The following FOCAD variants were observed in gnomAD, a reference collection of about 807,000 sequenced individuals.
FOCAD encodes the protein focadhesin, also known as KIAA1797.
FOCAD carries 198 observed loss-of-function variants against 225.6 expected under a neutral mutation model. The ratio of observed to expected loss-of-function variants is 0.88; its 90% confidence interval spans 0.78 to 0.99. The LOEUF (loss-of-function observed/expected upper bound fraction) is 0.99, where lower values mean the gene tolerates loss of function less well. FOCAD is among the 50% of genes least tolerant of loss of function. FOCAD has a pLI of 0.00. For missense variants in FOCAD, 2,713 were observed against 2,123.6 expected, an observed-to-expected ratio of 1.28 and a Z score of -5.46; for synonymous variants, 897 against 755.0, an observed-to-expected ratio of 1.19 and a Z score of -3.08.
rs1233469810 is a variant in FOCAD at position 20,862,666 on chromosome 9, T to G, written c.2009T>G (p.Leu670Arg). 6.2e-7 allele frequency: 1 copy of G among 1,613,402 alleles called. No individual in the cohort carries two copies. The highest frequency in any genetic ancestry group is 1.3e-5 in the African/African-American group (1 of 74,896). The change falls in exon 16 of 44, where the codon CTA (leucine) becomes CGA (arginine). Residue 670 changes from leucine to arginine, a missense_variant. Physicochemically the swap from Leu to Arg is moderately radical, Grantham distance 102. Transcript: ENST00000338382. The stretch of plus-strand genomic sequence containing the variant: ...CTCATTCTGAAGACACTGAGTGAAC[T>G]ATTTTCTCTAGTTCCTTCCTTAACG... ...RPLILKTLSE[L>R]FSLVPSLTVN...
chr9:20,825,636 T>C (rs7867326), intron 15 of FOCAD, among the ~76,000 whole-genome samples: 127,469 of 152,072 alleles, frequency 0.84, 53,524 homozygotes, highest in Admixed American at 0.89. Context: ...TTGGATTTTG[T>C]AGGGCTTTCC....
At chr9:20,742,877 G>C (rs752960922) in intron 5 of FOCAD, among the ~76,000 whole-genome samples, 2 of 152,156 alleles carry the variant, frequency 1.3e-5, no homozygotes, top group East Asian at 1.9e-4. Flanking sequence ...CTTTAGATAC[G>C]TGGCACATTA....
Position 20,839,134 on chromosome 9 carries a change from G to A in FOCAD, c.1920+16019G>A, listed in dbSNP as rs190505615. On this transcript the variant is annotated intron_variant, in intron 15 of 43. Coordinates refer to ENST00000338382, the MANE Select transcript of FOCAD (RefSeq NM_001375567.1). ...TTATGTTGTGTGCCTATATAGGGGT[G>A]TGTGTGTGTGTTTGTGAGTATGTGT... 2.0e-4 allele frequency among the ~76,000 whole-genome samples: 30 copies of A among 151,822 alleles called. No homozygotes were observed. The East Asian group carries it at 5.4e-3, about 28-fold the overall frequency.
intron 18 of FOCAD, among the ~76,000 whole-genome samples, chr9:20,871,457 C>G (rs13296917): frequency 6.6e-6 from 1 of 151,728 alleles, no homozygotes; most frequent in Admixed American, 6.6e-5. Context: ...ATTCTTTCAA[C>G]TGAGTTCTCT....
chr9:20,968,041 C>T (rs1023195777), intron 35 of FOCAD, among the ~76,000 whole-genome samples: 4 of 152,200 alleles, frequency 2.6e-5, no homozygotes, highest in Admixed American at 2.6e-4. Context: ...GGTGTTAATT[C>T]TTTAAGTGTC....
intron 20 of FOCAD, among the ~76,000 whole-genome samples, chr9:20,884,170 A>G (rs1830909826): frequency 6.6e-6 from 1 of 152,254 alleles, no homozygotes; most frequent in African/African-American, 2.4e-5. Context: ...AACAGTTCAC[A>G]AAGTCAAGAC....
intron 36 of FOCAD, among the ~76,000 whole-genome samples, chr9:20,976,762 C>G (rs1840268893): frequency 6.6e-6 from 1 of 152,150 alleles, no homozygotes; most frequent in Admixed American, 6.6e-5. Flanking sequence ...CCAGATACAC[C>G]TGCCAAAAAC....
intron 15 of FOCAD, among the ~76,000 whole-genome samples, chr9:20,862,249 T>G (rs1201924884): frequency 6.6e-6 from 1 of 152,044 alleles, no homozygotes; most frequent in Non-Finnish European, 1.5e-5. Flanking sequence ...GGGCTGATTC[T>G]TCAACAATGC....
intron 35 of FOCAD, among the ~76,000 whole-genome samples, chr9:20,959,849 ATAGAT>A (rs921222754): frequency 6.6e-6 from 1 of 152,220 alleles, no homozygotes; most frequent in Non-Finnish European, 1.5e-5. Context: ...CTATAGATAT[ATAGAT>A]TAATTTCTGA....
At chr9:20,973,619 G>A (rs1158518076) in intron 35 of FOCAD, among the ~76,000 whole-genome samples, 1 of 146,032 alleles carries the variant, frequency 6.8e-6, no homozygotes, top group Non-Finnish European at 1.5e-5. Context: ...CCCCATTTTA[G>A]CATCTGCTAA....
intron 27 of FOCAD, among the ~76,000 whole-genome samples, chr9:20,931,867 C>G (rs977421768): frequency 6.8e-6 from 1 of 147,624 alleles, no homozygotes; most frequent in Non-Finnish European, 1.5e-5. Context: ...CACTGCACTC[C>G]AGCCCAGCCT....
At position 20,917,658 on chromosome 9, in the gene FOCAD, A is replaced by G. The variant is rs79390292; in HGVS notation, c.2852+721A>G. ...TTGACTCCTTTCTTTCTTGCCTCCAACCAACACAGATATACCTTTGACCTA... is the reference window on the plus strand; with the variant it reads ...TTGACTCCTTTCTTTCTTGCCTCCAGCCAACACAGATATACCTTTGACCTA... On this transcript the variant is annotated intron_variant, in intron 24 of 43. Coordinates refer to ENST00000338382, the MANE Select transcript of FOCAD (RefSeq NM_001375567.1). Among the ~76,000 whole-genome samples the G allele has an allele frequency of 2.3e-3, 343 of 152,110 alleles. 9 individuals are homozygous for G. In the East Asian group the frequency reaches 0.044, roughly 19 times the overall value.
chr9:20,848,418 T>G (rs530170543), intron 15 of FOCAD, among the ~76,000 whole-genome samples: 1 of 152,120 alleles, frequency 6.6e-6, no homozygotes, highest in South Asian at 2.1e-4. Context: ...TATGGCCAGT[T>G]TTTACACAGA....
chr9:20,840,535 T>A (rs1826415859), intron 15 of FOCAD, among the ~76,000 whole-genome samples: 1 of 151,556 alleles, frequency 6.6e-6, no homozygotes, highest in East Asian at 1.9e-4. Context: ...TTAAGTGGAA[T>A]TACTTTGTTT....
chr9:20,760,022 C>G (rs974390542), intron 6 of FOCAD, among the ~76,000 whole-genome samples: 3 of 152,212 alleles, frequency 2.0e-5, no homozygotes, highest in Admixed American at 2.0e-4. Flanking sequence ...ATCCTTACTA[C>G]CATGACGCTG....
chr9:20,859,592 CT>C (rs1448240642), intron 15 of FOCAD, among the ~76,000 whole-genome samples: 3 of 147,760 alleles, frequency 2.0e-5, no homozygotes, highest in African/African-American at 7.4e-5. Context: ...TTAGCCATTA[CT>C]TTTTTGACTA....
At chr9:20,784,896 C>A (rs1407771643) in intron 10 of FOCAD, among the ~76,000 whole-genome samples, 7 of 151,790 alleles carry the variant, frequency 4.6e-5, no homozygotes, top group African/African-American at 1.7e-4. Context: ...GTATTTCTTA[C>A]AATAACTATG....
At chr9:20,747,681 C>G (rs898655198) in intron 5 of FOCAD, among the ~76,000 whole-genome samples, 1 of 152,040 alleles carries the variant, frequency 6.6e-6, no homozygotes, top group Non-Finnish European at 1.5e-5. Flanking sequence ...AGTGTGGCTT[C>G]TTTCACTTAG....
At chr9:20,823,168 C>G (rs1824512934) in intron 15 of FOCAD, 53 bp downstream of exon 15, 1 of 1,548,648 alleles carries the variant, frequency 6.5e-7, no homozygotes, top group Non-Finnish European at 8.8e-7. Context: ...TTTTATAAGG[C>G]AGAGTGGGTA....
Sources: gnomAD v4.1 joint callset for allele counts (sites outside exome capture counted in the v4.1 genomes callset) on GRCh38, gnomAD v4.1.1 for gene constraint, MANE v1.5 for transcripts, NCBI Gene and HGNC (gene_info 2026-07-23, HGNC 2026-07-21) for gene names.